The following ACTL6A variants were observed in gnomAD, a reference collection of about 807,000 sequenced individuals.
ACTL6A encodes the protein actin-like protein 6A.
Under a neutral mutation model 59.2 loss-of-function variants are expected in ACTL6A, and 5 were observed. The ratio of observed to expected loss-of-function variants is 0.08; its 90% CI spans 0.04 to 0.18. ACTL6A has a LOEUF of 0.18. Among genes scored for constraint, ACTL6A ranks in the 10% least tolerant of loss-of-function variants. The pLI is 1.00. For synonymous variants in ACTL6A, 154 were observed against 171.8 expected, an observed-to-expected ratio of 0.90 and a Z score of 0.81; for missense variants, 285 against 526.9, an observed-to-expected ratio of 0.54 and a Z score of 4.49.
rs149451650 is a variant in ACTL6A at position 179,576,700 on chromosome 3, G to A, written c.652G>A (p.Val218Ile). 4.6e-4 allele frequency: 746 copies of A among 1,613,560 alleles called. 1 individual carries two copies. The highest frequency in any genetic ancestry group is 2.0e-3 in the Middle Eastern group (12 of 6,060). The change falls in exon 7 of 14, where the codon GTT becomes ATT. Residue 218 changes from valine (V) to isoleucine (I), a missense_variant. Physicochemically the swap from Val to Ile is conservative, Grantham distance 29 (BLOSUM62 3). Coordinates refer to ENST00000429709, the MANE Select transcript of ACTL6A (RefSeq NM_004301.5). ...ELFQEMNIEL[V>I]PPYMIASKEA... ...CTTCCAAGAAATGAATATTGAATTG[G>A]TTCCTCCATATATGATTGCATCAAA... is the stretch of plus-strand genomic sequence containing the variant.
chr3:179,586,845 C>T, intron 13 of ACTL6A: 1 of 513,318 alleles, frequency 1.9e-6, no homozygotes, highest in Admixed American at 4.2e-5. Context: ...ATTTCAATGT[C>T]CCCTCTCAAA....
chr3:179,563,048 C>G lies in ACTL6A; in HGVS notation c.-45C>G, dbSNP rs1206009496. On this transcript the variant is annotated 5_prime_UTR_variant, in exon 1 of 14. Coordinates refer to ENST00000429709, the MANE Select transcript of ACTL6A (RefSeq NM_004301.5). ...CTCGCAGTCGCGGCCACTGCAGTCA[C>G]TTCGCCAGTTAGCCCTTAGGGTAGG... is the stretch of plus-strand genomic sequence containing the variant. The G allele has an allele frequency of 2.5e-6, 4 of 1,606,770 alleles. No homozygotes were observed. The highest frequency in any genetic ancestry group is 2.7e-5 in the African/African-American group (2 of 74,886).
chr3:179,580,724 A>G (rs368724712), intron 9 of ACTL6A, 23 bp downstream of exon 9: 4 of 1,526,564 alleles, frequency 2.6e-6, no homozygotes, highest in Non-Finnish European at 2.7e-6. Context: ...ATTAAAATGT[A>G]TACTTTATAA....
Position 179,587,912 on chromosome 3 carries a change from T to C in ACTL6A, c.1210-18T>C, listed in dbSNP as rs1257133793. On this transcript the variant is annotated intron_variant, in intron 13 of 13. Transcript: ENST00000429709. The stretch of plus-strand genomic sequence containing the variant: ...AAGAAGTAAGGCATAATTATATAAA[T>C]TTCTTTCCATTTTACAGGGTACCTT... 2.5e-6 allele frequency: 4 copies of C among 1,581,690 alleles called. No individual in the cohort carries two copies. Among genetic ancestry groups the C allele is most frequent in the Non-Finnish European group, 3.4e-6 (4 of 1,170,326 alleles).
intron 4 of ACTL6A, 118 bp downstream of exon 4, chr3:179,573,587 A>G: frequency 1.5e-6 from 1 of 672,748 alleles, no homozygotes; most frequent in Non-Finnish European, 2.4e-6. Flanking sequence ...ATAGAAATTC[A>G]TATTTTGAAT....
rs532346653 is a variant in ACTL6A at position 179,584,794 on chromosome 3, AAAC to A, written c.1122+1358_1122+1360del. On this transcript the variant is annotated intron_variant, in intron 12 of 13. Transcript: ENST00000429709. ...AGCAAGACTCTGGCTCAGGAAAAAA[AAAC>A]AACAACAACAAAACTTCAAGTGCTT... is the stretch of plus-strand genomic sequence containing the variant. 4.2e-4 allele frequency among the ~76,000 whole-genome samples: 64 copies of A among 152,244 alleles called. 1 individual carries two copies. The highest frequency in any genetic ancestry group is 5.9e-4 in the Admixed American group (9 of 15,288).
intron 11 of ACTL6A, 125 bp downstream of exon 11, chr3:179,581,345 T>C: frequency 1.3e-6 from 1 of 789,528 alleles, no homozygotes; most frequent in East Asian, 2.5e-5. Context: ...GTTCATTTTA[T>C]AACAGTATAT....
intron 6 of ACTL6A, 27 bp from the exon 7 acceptor site, chr3:179,576,593 C>A: frequency 6.3e-7 from 1 of 1,576,004 alleles, no homozygotes; most frequent in Non-Finnish European, 8.7e-7. Context: ...TTACTGCCCT[C>A]TTAGCCTTGT....
chr3:179,565,825 T>C (rs1032519698), intron 1 of ACTL6A, among the ~76,000 whole-genome samples: 1 of 152,176 alleles, frequency 6.6e-6, no homozygotes, highest in African/African-American at 2.4e-5. Context: ...CTAATTTTTT[T>C]TGAAGGATTT....
intron 4 of ACTL6A, among the ~76,000 whole-genome samples, chr3:179,573,944 A>G (rs1429312586): frequency 6.6e-6 from 1 of 152,228 alleles, no homozygotes; most frequent in Non-Finnish European, 1.5e-5. Flanking sequence ...TAATGGTCAT[A>G]AATTATCAGT....
At chr3:179,576,043 A>C (rs1576853572) in intron 5 of ACTL6A, among the ~76,000 whole-genome samples, 174 bp from the exon 6 acceptor site, 2 of 152,324 alleles carry the variant, frequency 1.3e-5, no homozygotes, top group East Asian at 3.9e-4. Context: ...TTTGTTTTTA[A>C]GCCAGAAATA....
chr3:179,567,624 T>A (rs1263017014), intron 1 of ACTL6A, among the ~76,000 whole-genome samples: 1 of 152,192 alleles, frequency 6.6e-6, no homozygotes, highest in Non-Finnish European at 1.5e-5. Context: ...GGATATCTCT[T>A]TACCCAGCAT....
Position 179,570,655 on chromosome 3 carries a change from C to G in ACTL6A, c.277+414C>G, listed in dbSNP as rs1157406539. Among the ~76,000 whole-genome samples the G allele has an allele frequency of 1.3e-5, 2 of 152,104 alleles. No individual in the cohort carries two copies. The highest frequency in any genetic ancestry group is 2.9e-5 in the Non-Finnish European group (2 of 68,026). ...ACAAAGCTGGGTAAAGCAAAGGGAC[C>G]AGCATGTGTGAAGGGATGGAATTGT... On this transcript the variant is annotated intron_variant, in intron 3 of 13. Coordinates refer to ENST00000429709, the MANE Select transcript of ACTL6A (RefSeq NM_004301.5). This position sits in a 1 kb window ranked among gnomAD's most constrained non-coding sequence, Gnocchi z 4.3.
At chr3:179,574,223 G>T in intron 4 of ACTL6A, 147 bp from the exon 5 acceptor site, 1 of 438,018 alleles carries the variant, frequency 2.3e-6, no homozygotes, top group Non-Finnish European at 4.1e-6. Flanking sequence ...TTATTTTTAT[G>T]AGATATTATG....
In ACTL6A at chr3:179,570,512, A is replaced by G. The variant is rs1232551034; in HGVS notation, c.277+271A>G. Reference sequence around the variant, plus strand: ...AAGTGGTACAATATAGGTATGTGCAATGAGCAATGGGATTAGAGAGGAGAG... The same window carrying G: ...AAGTGGTACAATATAGGTATGTGCAGTGAGCAATGGGATTAGAGAGGAGAG... On this transcript the variant is annotated intron_variant, in intron 3 of 13. Coordinates refer to ENST00000429709, the MANE Select transcript of ACTL6A (RefSeq NM_004301.5). The surrounding 1 kb of genome is among the most constrained non-coding windows in gnomAD (Gnocchi z 4.3). 2 of 261,930 alleles carry G rather than the reference A, an allele frequency of 7.6e-6. No homozygotes were observed. The highest frequency in any genetic ancestry group is 8.0e-5 in the East Asian group (1 of 12,562). The allele number at this position is 261,930 out of a possible 1,614,324, so 16.2% of individuals were successfully genotyped here.
At chr3:179,568,298 A>T (rs1717900159) in intron 1 of ACTL6A, among the ~76,000 whole-genome samples, 1 of 152,148 alleles carries the variant, frequency 6.6e-6, no homozygotes, top group South Asian at 2.1e-4. Flanking sequence ...TATTAAAAAT[A>T]TGTAAGTTTG....
intron 8 of ACTL6A, among the ~76,000 whole-genome samples, chr3:179,577,379 G>A (rs746068045): frequency 2.6e-5 from 4 of 152,026 alleles, no homozygotes; most frequent in Non-Finnish European, 5.9e-5. Flanking sequence ...GAACCCATGA[G>A]AGATTCTCTT....
chr3:179,578,018 C>T (rs1186290774), intron 8 of ACTL6A, among the ~76,000 whole-genome samples: 2 of 152,104 alleles, frequency 1.3e-5, no homozygotes, highest in African/African-American at 2.4e-5. Flanking sequence ...ATGAGATTGC[C>T]AGGTCAAGTG....
intron 13 of ACTL6A, 72 bp from the exon 14 acceptor site, chr3:179,587,854 CAAAA>C: frequency 9.6e-7 from 1 of 1,046,168 alleles, no homozygotes; most frequent in Non-Finnish European, 1.3e-6. Context: ...GACCTTCTCT[CAAAA>C]AAAAAAAATT....
Sources: allele counts gnomAD v4.1 joint callset (sites outside exome capture counted in the v4.1 genomes callset), GRCh38; gene constraint gnomAD v4.1.1; non-coding constraint Gnocchi (gnomAD v3.1); transcripts MANE v1.5; gene names NCBI Gene and HGNC (gene_info 2026-07-23, HGNC 2026-07-21).